The following SUMF1 variants were observed in gnomAD, a reference collection of about 807,000 sequenced individuals.
The protein encoded by SUMF1 is formylglycine-generating enzyme.
In SUMF1, 48 loss-of-function variants were observed where a neutral mutation model predicts 47.6. The ratio of observed to expected loss-of-function variants is 1.01; its 90% CI spans 0.80 to 1.28. SUMF1 has a LOEUF of 1.28. SUMF1 is among the 50% of genes most tolerant of loss of function. SUMF1 has a pLI of 0.00. For missense variants in SUMF1, 571 were observed against 485.4 expected, an observed-to-expected ratio of 1.18 and a Z score of -1.66; for synonymous variants, 230 against 192.1, an observed-to-expected ratio of 1.20 and a Z score of -1.63.
intron 8 of SUMF1, among the ~76,000 whole-genome samples, chr3:4,072,705 G>A (rs533024511): frequency 2.6e-5 from 4 of 152,198 alleles, no homozygotes; most frequent in African/African-American, 9.6e-5. Context: ...TTCAATAGCT[G>A]ATTCGATCAA....
intron 8 of SUMF1, among the ~76,000 whole-genome samples, chr3:4,288,013 G>A (rs376702570): frequency 6.6e-6 from 1 of 152,064 alleles, no homozygotes; most frequent in African/African-American, 2.4e-5. Flanking sequence ...CTCTACAGTG[G>A]TATGAAAAAT....
At chr3:4,214,190 G>A (rs1168276641) in intron 8 of SUMF1, among the ~76,000 whole-genome samples, 1 of 151,968 alleles carries the variant, frequency 6.6e-6, no homozygotes, top group Non-Finnish European at 1.5e-5. Flanking sequence ...GCAAAAGAAC[G>A]GAAATCATAA....
At chr3:4,428,689 AAC>A (rs1176907431) in intron 3 of SUMF1, among the ~76,000 whole-genome samples, 1 of 144,790 alleles carries the variant, frequency 6.9e-6, no homozygotes, top group Non-Finnish European at 1.5e-5. Context: ...GTCTACAGCG[AAC>A]ATATTTTTTA....
At chr3:4,446,231 G>C (rs1310639693) in intron 3 of SUMF1, among the ~76,000 whole-genome samples, 1 of 152,188 alleles carries the variant, frequency 6.6e-6, no homozygotes, top group Non-Finnish European at 1.5e-5. Flanking sequence ...TCATGGGAGG[G>C]ACTCAGTGGG....
intron 8 of SUMF1, among the ~76,000 whole-genome samples, chr3:4,267,689 T>C (rs372328174): frequency 4.5e-4 from 68 of 150,854 alleles, no homozygotes; most frequent in African/African-American, 1.4e-3. Flanking sequence ...CAATGAGATA[T>C]CATCTCACAC....
chr3:4,425,080 A>C (rs997129222), intron 3 of SUMF1, among the ~76,000 whole-genome samples: 1 of 152,228 alleles, frequency 6.6e-6, no homozygotes, highest in Non-Finnish European at 1.5e-5. Context: ...AGGAGAGCAA[A>C]TTATCTACTG....
chr3:4,229,990 G>C (rs1439413998), intron 8 of SUMF1, among the ~76,000 whole-genome samples: 1 of 151,800 alleles, frequency 6.6e-6, no homozygotes, highest in Non-Finnish European at 1.5e-5. Flanking sequence ...TCCAGCTTGG[G>C]TGACAGAGTG....
chr3:4,124,189 C>G (rs1693606055), intron 8 of SUMF1, among the ~76,000 whole-genome samples: 1 of 152,112 alleles, frequency 6.6e-6, no homozygotes. Context: ...CCTCCCTGCA[C>G]TTGGGGAGAC....
chr3:4,249,131 CAGT>C, intron 8 of SUMF1, among the ~76,000 whole-genome samples: 1 of 152,230 alleles, frequency 6.6e-6, no homozygotes, highest in East Asian at 1.9e-4. Flanking sequence ...GCTTCAAAAT[CAGT>C]AGAGAAAATA....
chr3:4,413,108 G>A (rs191840421), intron 6 of SUMF1, among the ~76,000 whole-genome samples: 20 of 151,970 alleles, frequency 1.3e-4, no homozygotes, highest in African/African-American at 4.3e-4. Context: ...AGGCTCAAGC[G>A]ATCCTCTCAG....
At chr3:4,377,498 ACT>A (rs1700366215) in intron 7 of SUMF1, among the ~76,000 whole-genome samples, 1 of 152,176 alleles carries the variant, frequency 6.6e-6, no homozygotes, top group Non-Finnish European at 1.5e-5. Context: ...GCTCTGAGGC[ACT>A]CCACTGCGCT....
chr3:4,296,170 A>G (rs1211516396), intron 8 of SUMF1, among the ~76,000 whole-genome samples: 2 of 152,028 alleles, frequency 1.3e-5, no homozygotes, highest in Non-Finnish European at 2.9e-5. Flanking sequence ...AGTATTAGCC[A>G]TTATTACTGT....
intron 8 of SUMF1, among the ~76,000 whole-genome samples, chr3:4,195,002 G>A (rs1255012168): frequency 1.3e-5 from 2 of 152,134 alleles, no homozygotes; most frequent in African/African-American, 4.8e-5. Context: ...CTTATTTAAA[G>A]TAAAGCAATT....
rs201462109 is a variant in SUMF1, at chr3:4,410,867, G to T, written c.952C>A (p.Pro318Thr). ...CATGCTCTGTGAATAATACTCACTG[G>T]GTTAAGCGTTTCTTCAACAGAATGA... ...VHHSVEETLN[P>T]KGPPSGKDRV... The change falls in exon 7 of 9, where the codon CCA becomes ACA. Residue 318 changes from proline (P) to threonine (T), a missense_variant and splice_region_variant. Pro to Thr is a conservative substitution (Grantham distance 38). Coordinates refer to ENST00000272902, the MANE Select transcript of SUMF1 (RefSeq NM_182760.4). 4 of 1,613,434 alleles carry T rather than the reference G, an allele frequency of 2.5e-6. No homozygotes were observed. In the South Asian group the frequency reaches 4.4e-5, roughly 18 times the overall value.
chr3:4,139,091 C>A (rs1017110940), intron 8 of SUMF1, among the ~76,000 whole-genome samples: 2 of 152,012 alleles, frequency 1.3e-5, no homozygotes, highest in Non-Finnish European at 2.9e-5. Flanking sequence ...AATAACAAAA[C>A]TATTAATAAT....
intron 8 of SUMF1, among the ~76,000 whole-genome samples, chr3:4,175,065 C>G (rs978474297): frequency 1.7e-4 from 26 of 152,236 alleles, no homozygotes; most frequent in Admixed American, 3.3e-4. Flanking sequence ...CACAGCTCAA[C>G]AAGGCCTACT....
At chr3:4,463,543 T>C (rs866125733) in intron 1 of SUMF1, among the ~76,000 whole-genome samples, 9 of 152,098 alleles carry the variant, frequency 5.9e-5, no homozygotes, top group African/African-American at 2.2e-4. Flanking sequence ...GAAGAAAATA[T>C]ACAAGTTGTC....
At chr3:4,289,875 T>C (rs1251578478) in intron 8 of SUMF1, among the ~76,000 whole-genome samples, 4 of 152,248 alleles carry the variant, frequency 2.6e-5, no homozygotes, top group Non-Finnish European at 5.9e-5. Flanking sequence ...CTTTCTTTAT[T>C]ATGAATGACT....
intron 8 of SUMF1, among the ~76,000 whole-genome samples, chr3:4,108,175 C>T (rs987738644): frequency 2.6e-5 from 4 of 152,032 alleles, no homozygotes; most frequent in East Asian, 3.9e-4. Flanking sequence ...GCCTTCATTT[C>T]GTTATGTACC....
Sources: gnomAD v4.1 joint callset for allele counts (sites outside exome capture counted in the v4.1 genomes callset) on GRCh38, gnomAD v4.1.1 for gene constraint, MANE v1.5 for transcripts, NCBI Gene and HGNC (gene_info 2026-07-23, HGNC 2026-07-21) for gene names.